AQP12B: variants seen among roughly 807,000 people sequenced by gnomAD.
AQP12B encodes the protein aquaporin 12B, also known as putative aquaporin-12B.
In AQP12B, 8 loss-of-function variants were observed where a neutral mutation model predicts 11.5. That is an observed-to-expected ratio of 0.70 (90% confidence interval 0.41 to 1.26). The LOEUF (loss-of-function observed/expected upper bound fraction) is 1.26. Among genes scored for constraint, AQP12B ranks in the 50% most tolerant of loss-of-function variants. AQP12B has a pLI of 0.01. For missense variants in AQP12B, 247 were observed against 322.0 expected (o/e 0.77, Z 1.78); for synonymous variants, 123 against 158.0 (o/e 0.78, Z 1.66).
chr2:240,682,727 G>C lies in AQP12B; in HGVS notation c.111C>G (p.Phe37Leu), dbSNP rs369678598. 18 of 1,613,368 alleles carry C rather than the reference G, an allele frequency of 1.1e-5. No homozygotes were observed. Among genetic ancestry groups the C allele is most frequent in the Non-Finnish European group, 1.5e-5 (18 of 1,179,788 alleles). ...ALLPVGAYEV[F>L]AREAVGAVQL... The stretch of plus-strand genomic sequence containing the variant: ...GCACCGCGCCCACCGCCTCCCGGGC[G>C]AAGACTTCATAGGCGCCCACTGGGA... The change falls in exon 1 of 3, where the codon TTC becomes TTG. Residue 37 changes from phenylalanine (F) to leucine (L), a missense_variant. Around this residue, in one of 4 missense-constraint regions of AQP12B, gnomAD observed 206 missense variants for 173.2 expected, o/e 1.19. Coordinates refer to ENST00000407834, the MANE Select transcript of AQP12B (RefSeq NM_001102467.2).
intron 1 of AQP12B, among the ~76,000 whole-genome samples, 197 bp downstream of exon 1, chr2:240,682,034 G>C (rs77285086): frequency 0.43 from 36,094 of 84,304 alleles, 8,524 homozygotes; most frequent in African/African-American, 0.49. Flanking sequence ...GGGACAGGCT[G>C]CTCCACCGCA....
At chr2:240,683,522 C>G (rs1384715383), upstream of AQP12B, among the ~76,000 whole-genome samples, 1 of 152,064 alleles carries the variant, frequency 6.6e-6, no homozygotes, top group Non-Finnish European at 1.5e-5. Context: ...GCTGTGTCCC[C>G]AGCTAGGCCA....
rs760363901 is a variant in AQP12B, at chr2:240,682,512, G to A, written c.326C>T (p.Pro109Leu). 1.6e-4 allele frequency: 262 copies of A among 1,612,466 alleles called. No homozygotes were observed. Among genetic ancestry groups the A allele is most frequent in the Non-Finnish European group, 2.1e-4 (253 of 1,179,744 alleles). The change falls in exon 1 of 3, where the codon CCT becomes CTT. Residue 109 changes from proline (P) to leucine (L), a missense_variant. Physicochemically the swap from Pro to Leu is moderately conservative, Grantham distance 98 (BLOSUM62 -3). Transcript: ENST00000407834. ...TGCCGCCAGCTTCAGCAGCGTGCCA[G>A]GCAGAGACTCCTCGGCCATGAGGAA... is the stretch of plus-strand genomic sequence containing the variant. The part of the protein sequence containing the change: ...QEFLMAEESL[P>L]GTLLKLAAQG...
chr2:240,683,342 ACT>A (rs1366402671), upstream of AQP12B, among the ~76,000 whole-genome samples: 2 of 148,106 alleles, frequency 1.4e-5, no homozygotes, highest in Non-Finnish European at 3.0e-5. Context: ...TTGCACCTGC[ACT>A]GTGTCCCCAC....
Position 240,682,743 on chromosome 2 carries a change from C to T in AQP12B, c.95G>A (p.Gly32Asp), listed in dbSNP as rs1363596960. Residue 32 changes from glycine to aspartate, a missense_variant, in exon 1 of 3, where the codon GGC becomes GAC. This residue lies in a region of AQP12B where 206 missense variants were observed against 173.2 expected (regional missense o/e 1.19). Transcript: ENST00000407834. The stretch of plus-strand genomic sequence containing the variant: ...CTCCCGGGCGAAGACTTCATAGGCG[C>T]CCACTGGGAGCAGGGCCTTGGAGGC... ...RRASKALLPV[G>D]AYEVFAREAV... 8.1e-6 allele frequency: 13 copies of T among 1,613,210 alleles called. No homozygotes were observed. The highest frequency in any genetic ancestry group is 3.4e-4 in the Middle Eastern group (2 of 5,964).
Position 240,682,458 on chromosome 2 carries a change from G to A in AQP12B, c.380C>T (p.Thr127Ile). 3.1e-6 allele frequency: 5 copies of A among 1,610,126 alleles called. No homozygotes were observed. Among genetic ancestry groups the A allele is most frequent in the Non-Finnish European group, 4.2e-6 (5 of 1,179,230 alleles). The change falls in exon 1 of 3, where the codon ACC becomes ATC. Residue 127 changes from threonine (T) to isoleucine (I), a missense_variant. Around this residue, in one of 4 missense-constraint regions of AQP12B, gnomAD observed 206 missense variants for 173.2 expected, o/e 1.19. Coordinates refer to ENST00000407834, the MANE Select transcript of AQP12B (RefSeq NM_001102467.2). ...AQGLGMQAAC[T>I]LTRLCWAWEL... ...CCAGGCCCAGCAGAGGCGCGTCAGG[G>A]TGCAGGCGGCCTGCATGCCCAGCCC...
Position 240,682,580 on chromosome 2 carries a change from G to A in AQP12B, c.258C>T (p.Thr86=), listed in dbSNP as rs747275019. 2 of 1,613,310 alleles carry A rather than the reference G, an allele frequency of 1.2e-6. No homozygotes were observed. The highest frequency in any genetic ancestry group is 1.3e-5 in the African/African-American group (1 of 74,916). ...LFLLFLAHGV[T]LDGASANPTV... is the part of the protein sequence containing the mutation. ...TGGGGTTGGCCGAGGCCCCGTCCAAGGTGACCCCGTGCGCCAGGAAGAGCA... is the reference window on the plus strand; with the variant it reads ...TGGGGTTGGCCGAGGCCCCGTCCAAAGTGACCCCGTGCGCCAGGAAGAGCA... The change falls in exon 1 of 3, where the codon ACC becomes ACT. Residue 86 remains threonine, a synonymous_variant. Transcript: ENST00000407834.
intron 2 of AQP12B, 28 bp downstream of exon 2, chr2:240,680,323 TA>T (rs1457938057): frequency 3.3e-6 from 2 of 601,012 alleles, no homozygotes; most frequent in African/African-American, 3.8e-5. Context: ...CCAGCAGCCC[TA>T]GGGACCCCAC....
rs1246080770 is a variant in AQP12B at position 240,682,475 on chromosome 2, G to T, written c.363C>A (p.Gly121=). Residue 121 remains glycine, a synonymous_variant, in exon 1 of 3, where the codon GGC becomes GGA. Transcript: ENST00000407834. Reference sequence around the variant, plus strand: ...GCGTCAGGGTGCAGGCGGCCTGCATGCCCAGCCCCTGTGCCGCCAGCTTCA... The same window carrying T: ...GCGTCAGGGTGCAGGCGGCCTGCATTCCCAGCCCCTGTGCCGCCAGCTTCA... ...TLLKLAAQGL[G]MQAACTLTRL... The T allele has an allele frequency of 6.2e-7, 1 of 1,611,054 alleles. No homozygotes were observed. The highest frequency in any genetic ancestry group is 8.5e-7 in the Non-Finnish European group (1 of 1,179,534).
In AQP12B at chr2:240,682,506, G is replaced by C. The variant is rs372043580; in HGVS notation, c.332C>G (p.Thr111Arg). The change falls in exon 1 of 3, where the codon ACG becomes AGG. Residue 111 changes from threonine to arginine, a missense_variant. Around this residue, in one of 4 missense-constraint regions of AQP12B, gnomAD observed 206 missense variants for 173.2 expected, o/e 1.19. Transcript: ENST00000407834. ...CCCCTGTGCCGCCAGCTTCAGCAGC[G>C]TGCCAGGCAGAGACTCCTCGGCCAT... Reference protein sequence around the residue: ...FLMAEESLPGTLLKLAAQGLG... With the variant: ...FLMAEESLPGRLLKLAAQGLG... 12 of 1,612,270 alleles carry C rather than the reference G, an allele frequency of 7.4e-6. No homozygotes were observed. The African/African-American group carries it at 8.0e-5, about 11-fold the overall frequency.
At chr2:240,682,995 C>A (rs1575492856), upstream of AQP12B, 1 of 960,450 alleles carries the variant, frequency 1.0e-6, no homozygotes, top group East Asian at 2.6e-5. Flanking sequence ...GCCCCACTGG[C>A]TGCCACCCAG....
Position 240,682,856 on chromosome 2 carries a change from A to C in AQP12B, c.-19T>G. 1 of 1,487,704 alleles carries C rather than the reference A, an allele frequency of 6.7e-7. No individual in the cohort carries two copies. The highest frequency in any genetic ancestry group is 9.1e-7 in the Non-Finnish European group (1 of 1,095,368). 92.2% of individuals were successfully genotyped at this position (1,487,704 alleles called of 1,614,324 possible). Reference sequence around the variant, plus strand: ...CTGCCATCGGCCTGGGCCCCCCGAGATGCTGTGCCTGCAGGACACCTGAGG... The same window carrying C: ...CTGCCATCGGCCTGGGCCCCCCGAGCTGCTGTGCCTGCAGGACACCTGAGG... On this transcript the variant is annotated 5_prime_UTR_variant, in exon 1 of 3. Coordinates refer to ENST00000407834, the MANE Select transcript of AQP12B (RefSeq NM_001102467.2).
rs1242181715 is a variant in AQP12B at position 240,682,724 on chromosome 2, G to A, written c.114C>T (p.Ala38=). 6.2e-7 allele frequency: 1 copy of A among 1,613,486 alleles called. No individual in the cohort carries two copies. Among genetic ancestry groups the A allele is most frequent in the Middle Eastern group, 1.7e-4 (1 of 5,950 alleles). The change falls in exon 1 of 3, where the codon GCC becomes GCT. Residue 38 remains alanine, a synonymous_variant. Coordinates refer to ENST00000407834, the MANE Select transcript of AQP12B (RefSeq NM_001102467.2). The part of the protein sequence containing the change: ...LLPVGAYEVF[A]REAVGAVQLG... ...GCTGCACCGCGCCCACCGCCTCCCG[G>A]GCGAAGACTTCATAGGCGCCCACTG... is the stretch of plus-strand genomic sequence containing the variant.
Position 240,682,451 on chromosome 2 carries a change from C to G in AQP12B, c.387G>C (p.Thr129=), listed in dbSNP as rs187476959. 130 of 1,609,022 alleles carry G rather than the reference C, an allele frequency of 8.1e-5. No individual in the cohort carries two copies. Among genetic ancestry groups the G allele is most frequent in the Non-Finnish European group, 1.0e-4 (123 of 1,178,656 alleles). ...GLGMQAACTL[T]RLCWAWELSD... ...TGAGCTCCCAGGCCCAGCAGAGGCG[C>G]GTCAGGGTGCAGGCGGCCTGCATGC... The change falls in exon 1 of 3, where the codon ACG becomes ACC. Residue 129 remains threonine (T), a synonymous_variant. Transcript: ENST00000407834.
intron 1 of AQP12B, among the ~76,000 whole-genome samples, chr2:240,681,004 G>A (rs1399025172): frequency 1.2e-5 from 1 of 82,034 alleles, no homozygotes; most frequent in African/African-American, 6.7e-5. Flanking sequence ...GAGAGAAGAC[G>A]ACATGGCTGT....
chr2:240,682,272 C>A lies in AQP12B; in HGVS notation c.566G>T (p.Gly189Val), dbSNP rs775067100. 6.9e-6 allele frequency: 10 copies of A among 1,439,034 alleles called. No individual in the cohort carries two copies. In the South Asian group the frequency reaches 1.1e-4, roughly 16 times the overall value. 89.1% of individuals were successfully genotyped at this position (1,439,034 alleles called of 1,614,324 possible). A position where few individuals can be genotyped will look rare whatever the true frequency, so the allele number is the denominator to read the frequency against. Residue 189 changes from glycine (G) to valine (V), a missense_variant, in exon 1 of 3, where the codon GGG (glycine) becomes GTG (valine). Transcript: ENST00000407834. ...HLRHSPPAYS[G>V]PAVALLVTVT... ...GGTGACCAACAGAGCCACAGCGGGC[C>A]CGCTGTAGGCGGGAGGACTGTGCCG...
chr2:240,680,173 G>C (rs2125507605), intron 2 of AQP12B, among the ~76,000 whole-genome samples, 179 bp downstream of exon 2: 1 of 151,014 alleles, frequency 6.6e-6, no homozygotes, highest in East Asian at 2.0e-4. Flanking sequence ...TCGGCACCGG[G>C]ACGGTGTCCA....
chr2:240,681,483 C>T lies in AQP12B; in HGVS notation c.607+748G>A, dbSNP rs2043910834. On this transcript the variant is annotated intron_variant, in intron 1 of 2. Transcript: ENST00000407834. ...AGTGCCATGGACCTAAGTGCTGGTC[C>T]TGTCCTGATTAGGACCTCGGACCCC... Among the ~76,000 whole-genome samples, 7 of 69,704 alleles carry T rather than the reference C, an allele frequency of 1.0e-4. 1 individual carries two copies. In the South Asian group the frequency reaches 2.4e-3, roughly 24 times the overall value. The allele number at this position is 69,704 out of a possible 152,430, so 45.7% of individuals were successfully genotyped here.
In AQP12B at chr2:240,682,652, G is replaced by A. The variant is rs4676387; in HGVS notation, c.186C>T (p.Pro62=). 0.014 allele frequency: 22,425 copies of A among 1,612,982 alleles called. 9 individuals carry two copies. In the Admixed American group the frequency reaches 0.22, roughly 16 times the overall value. Residue 62 remains proline, a synonymous_variant, in exon 1 of 3, where the codon CCC becomes CCT. Transcript: ENST00000407834. ...LEMRTLVELG[P]WAGDFGPDLL... is the part of the protein sequence containing the mutation. The stretch of plus-strand genomic sequence containing the variant: ...GGTCAGGCCCAAAGTCCCCAGCCCA[G>A]GGCCCGAGCTCGACCAGCGTCCTCA...
Sources: allele counts gnomAD v4.1 joint callset (sites outside exome capture counted in the v4.1 genomes callset), GRCh38; gene constraint gnomAD v4.1.1; regional missense constraint gnomAD v4.1.1; transcripts MANE v1.5; gene names NCBI Gene and HGNC (gene_info 2026-07-23, HGNC 2026-07-21).